GRM5: variants seen among roughly 807,000 people sequenced by gnomAD.
GRM5 encodes glutamate metabotropic receptor 5.
Under a neutral mutation model 83.1 loss-of-function variants are expected in GRM5, and 19 were observed. That is an observed-to-expected ratio of 0.23 (90% CI 0.16 to 0.34). The LOEUF (loss-of-function observed/expected upper bound fraction) is 0.34, where lower values mean the gene tolerates loss of function less well. Among genes scored for constraint, GRM5 ranks in the 10% least tolerant of loss-of-function variants. GRM5 has a pLI of 1.00. For synonymous variants in GRM5, 675 were observed against 633.6 expected, an observed-to-expected ratio of 1.07 and a Z score of -0.98; for missense variants, 1,160 against 1,588.3, an observed-to-expected ratio of 0.73 and a Z score of 4.58.
At chr11:88,591,562 G>T (rs975753265) in intron 6 of GRM5, among the ~76,000 whole-genome samples, 4 of 152,162 alleles carry the variant, frequency 2.6e-5, no homozygotes, top group Non-Finnish European at 4.4e-5. Flanking sequence ...TTAAAACTGT[G>T]ATTAATATTC....
intron 1 of GRM5, among the ~76,000 whole-genome samples, chr11:89,054,815 C>T (rs1434221115): frequency 6.6e-6 from 1 of 152,034 alleles, no homozygotes; most frequent in Non-Finnish European, 1.5e-5. Context: ...TATGGGTGGG[C>T]ATGTATGCAT....
intron 3 of GRM5, among the ~76,000 whole-genome samples, chr11:88,752,960 G>T (rs1942312877): frequency 6.6e-6 from 1 of 152,120 alleles, no homozygotes; most frequent in South Asian, 2.1e-4. Flanking sequence ...ATTAATTCAA[G>T]ATGGATTAAA....
chr11:88,905,314 ATTAT>A (rs1345363817), intron 2 of GRM5, among the ~76,000 whole-genome samples: 1 of 152,216 alleles, frequency 6.6e-6, no homozygotes, highest in East Asian at 1.9e-4. Context: ...AGGTTACTTT[ATTAT>A]TTATTTATTC....
chr11:88,913,868 T>TA (rs1203465864), intron 2 of GRM5, among the ~76,000 whole-genome samples: 1 of 152,140 alleles, frequency 6.6e-6, no homozygotes, highest in Non-Finnish European at 1.5e-5. Context: ...ATTACAGGTG[T>TA]GAGCCATGTG....
intron 2 of GRM5, among the ~76,000 whole-genome samples, chr11:88,909,390 C>G (rs1204394349): frequency 3.0e-5 from 2 of 65,958 alleles, no homozygotes. Context: ...TCATATTATT[C>G]TTTTCTACTT....
chr11:88,747,032 T>A lies in GRM5; in HGVS notation c.912-93629A>T, dbSNP rs186861134. Among the ~76,000 whole-genome samples the A allele has an allele frequency of 4.2e-3, 647 of 152,356 alleles. 4 individuals are homozygous for A. Among genetic ancestry groups the A allele is most frequent in the South Asian group, 0.024 (117 of 4,832 alleles). ...AACAAGATTCACAAAGTAAGTATAC[T>A]GTGAGTATAATATTGTCATTGCATA... On this transcript the variant is annotated intron_variant, in intron 3 of 9. Transcript: ENST00000305447.
intron 2 of GRM5, among the ~76,000 whole-genome samples, chr11:88,893,918 T>G (rs1210549931): frequency 6.6e-6 from 1 of 151,986 alleles, no homozygotes; most frequent in Non-Finnish European, 1.5e-5. Context: ...AGCAAGGGTG[T>G]AACAGTCTTT....
intron 3 of GRM5, among the ~76,000 whole-genome samples, chr11:88,836,437 C>CTG (rs141165398): frequency 3.3e-5 from 5 of 151,952 alleles, no homozygotes; most frequent in South Asian, 2.1e-4. Context: ...GTATATAAAT[C>CTG]TGTGTGTGTG....
At chr11:88,995,242 A>T (rs911720834) in intron 2 of GRM5, among the ~76,000 whole-genome samples, 2 of 152,092 alleles carry the variant, frequency 1.3e-5, no homozygotes, top group Non-Finnish European at 2.9e-5. Context: ...AAAAGTGAAC[A>T]TATGAGTTAA....
In GRM5 at chr11:88,606,631, GA is replaced by G. The variant is rs369332702; in HGVS notation, c.1148-1668del. On this transcript the variant is annotated intron_variant, in intron 4 of 9. Transcript: ENST00000305447. ...GGGACATGATCAGATTTCTGTTTTA[GA>G]AAAGACCAATCTGGCTACATTGTGG... Among the ~76,000 whole-genome samples, 177 of 152,308 alleles carry G rather than the reference GA, an allele frequency of 1.2e-3. 1 individual carries two copies. In the Middle Eastern group the frequency reaches 0.014, roughly 12 times the overall value.
chr11:88,701,139 GCC>G (rs931989288), intron 3 of GRM5, among the ~76,000 whole-genome samples: 2 of 152,132 alleles, frequency 1.3e-5, no homozygotes, highest in African/African-American at 4.8e-5. Flanking sequence ...AGATTTAGCT[GCC>G]ACTCAGCCAC....
At position 89,044,352 on chromosome 11, in the gene GRM5, G is replaced by C. The variant is rs192003686; in HGVS notation, c.661+2860C>G. ...TTCCAGGCATAATTTCTGTGTAATAGAACAAGCCACAGTAAATACCCAGTC... is the reference window on the plus strand; with the variant it reads ...TTCCAGGCATAATTTCTGTGTAATACAACAAGCCACAGTAAATACCCAGTC... On this transcript the variant is annotated intron_variant, in intron 2 of 9. Coordinates refer to ENST00000305447, the MANE Select transcript of GRM5 (RefSeq NM_001143831.3). 1.8e-3 allele frequency among the ~76,000 whole-genome samples: 275 copies of C among 152,014 alleles called. 2 individuals carry two copies. Among genetic ancestry groups the C allele is most frequent in the African/African-American group, 6.3e-3 (263 of 41,452 alleles).
At chr11:88,511,054 A>G (rs1184964202) in intron 9 of GRM5, among the ~76,000 whole-genome samples, 4 of 152,238 alleles carry the variant, frequency 2.6e-5, no homozygotes, top group Non-Finnish European at 5.9e-5. Context: ...TGTCAAAGAT[A>G]TAAGATGTGA....
At chr11:88,692,648 A>T (rs536221880) in intron 3 of GRM5, among the ~76,000 whole-genome samples, 1 of 152,318 alleles carries the variant, frequency 6.6e-6, no homozygotes, top group East Asian at 1.9e-4. Flanking sequence ...GTTCATAGTC[A>T]TTTGGAATAA....
rs149422828 is a variant in GRM5 at position 88,800,905 on chromosome 11, A to G, written c.911+49001T>C. 8.2e-3 allele frequency among the ~76,000 whole-genome samples: 1,250 copies of G among 152,248 alleles called. 66 individuals are homozygous for G. Among genetic ancestry groups the G allele is most frequent in the Admixed American group, 0.074 (1,132 of 15,254 alleles). ...AAATTATTACGTGAATGGAAGGAAT[A>G]TGTGTGGGGGGCTTTTAAACAGGGT... On this transcript the variant is annotated intron_variant, in intron 3 of 9. Transcript: ENST00000305447.
chr11:88,522,601 CTCTGTGTG>C lies in GRM5; in HGVS notation c.2726+2700_2726+2707del, dbSNP rs111472812. ...TCTCTCTCTCTCGCTCTCTCTCTCT[CTCTGTGTG>C]TGTGTGTGTGTGTGTGTGTGTGTGT... On this transcript the variant is annotated intron_variant, in intron 9 of 9. Transcript: ENST00000305447. Among the ~76,000 whole-genome samples the C allele has an allele frequency of 8.5e-4, 80 of 93,602 alleles. No individual in the cohort carries two copies. The South Asian group carries it at 0.012, about 14-fold the overall frequency. 61.4% of individuals were successfully genotyped at this position (93,602 alleles called of 152,430 possible).
At chr11:88,770,576 A>G (rs1212923491) in intron 3 of GRM5, among the ~76,000 whole-genome samples, 10 of 152,146 alleles carry the variant, frequency 6.6e-5, no homozygotes, top group Non-Finnish European at 1.2e-4. Context: ...ATAACTAAAT[A>G]GTTCCTGTTT....
intron 6 of GRM5, among the ~76,000 whole-genome samples, chr11:88,591,455 T>A (rs894460249): frequency 2.6e-5 from 4 of 152,228 alleles, no homozygotes; most frequent in Non-Finnish European, 5.9e-5. Context: ...TCACAGATGT[T>A]ATTCTTTCGA....
At chr11:88,924,725 T>A (rs1443959154) in intron 2 of GRM5, among the ~76,000 whole-genome samples, 1 of 151,880 alleles carries the variant, frequency 6.6e-6, no homozygotes, top group Non-Finnish European at 1.5e-5. Context: ...AGTTTAGATA[T>A]CTAATATTAT....
Sources: allele counts gnomAD v4.1 joint callset (sites outside exome capture counted in the v4.1 genomes callset), GRCh38; gene constraint gnomAD v4.1.1; transcripts MANE v1.5; gene names NCBI Gene and HGNC (gene_info 2026-07-23, HGNC 2026-07-21).